Variants in PTPRG observed in about 807,000 individuals in gnomAD.
The protein encoded by PTPRG is protein tyrosine phosphatase receptor type G, also known as receptor-type tyrosine-protein phosphatase gamma.
Under a neutral mutation model 165.3 loss-of-function variants are expected in PTPRG, and 102 were observed. The observed-to-expected ratio is 0.62, with a 90% confidence interval of 0.53 to 0.73. The LOEUF (loss-of-function observed/expected upper bound fraction) is 0.73. PTPRG is among the 30% of genes least tolerant of loss of function. The pLI is 0.00. For synonymous variants in PTPRG, 675 were observed against 669.5 expected (o/e 1.01, Z -0.13); for missense variants, 1,866 against 1,861.4 (o/e 1.00, Z -0.05).
At chr3:61,562,452 C>G (rs1211787628) in intron 1 of PTPRG, 80 bp downstream of exon 1, 11 of 1,398,096 alleles carry the variant, frequency 7.9e-6, no homozygotes, top group South Asian at 1.2e-5. Context: ...GCGCGGAGCT[C>G]CGGCGCCCGT....
At chr3:62,276,631 T>G in intron 24 of PTPRG, 1 of 242,452 alleles carries the variant, frequency 4.1e-6, no homozygotes. Flanking sequence ...GGACAAAGTA[T>G]ATGTTGGTAT....
intron 1 of PTPRG, among the ~76,000 whole-genome samples, chr3:61,677,120 C>T (rs1703260255): frequency 6.6e-6 from 1 of 152,012 alleles, no homozygotes; most frequent in African/African-American, 2.4e-5. Context: ...TGGCGGGCGC[C>T]TGTAGTCCCA....
At chr3:62,048,184 T>TA (rs1399910364) in intron 4 of PTPRG, among the ~76,000 whole-genome samples, 246 of 151,736 alleles carry the variant, frequency 1.6e-3, no homozygotes, top group Admixed American at 2.8e-3. Context: ...AAAGCCCACT[T>TA]AAAAAAAGAA....
chr3:61,941,645 C>T (rs964860967), intron 2 of PTPRG, among the ~76,000 whole-genome samples: 2 of 151,904 alleles, frequency 1.3e-5, no homozygotes, highest in Non-Finnish European at 2.9e-5. Flanking sequence ...AAAAACAGGT[C>T]GTGATTTATA....
At chr3:61,942,411 A>G (rs1271131608) in intron 2 of PTPRG, among the ~76,000 whole-genome samples, 1 of 152,248 alleles carries the variant, frequency 6.6e-6, no homozygotes, top group African/African-American at 2.4e-5. Context: ...AACAAAAATT[A>G]GACCAAGCCC....
At chr3:62,257,478 G>T (rs1460149372) in intron 16 of PTPRG, among the ~76,000 whole-genome samples, 1 of 152,140 alleles carries the variant, frequency 6.6e-6, no homozygotes, top group Non-Finnish European at 1.5e-5. Flanking sequence ...ACTGTGCATG[G>T]ATCATTCTAT....
chr3:62,050,252 A>G (rs1700429162), intron 4 of PTPRG, among the ~76,000 whole-genome samples: 1 of 152,212 alleles, frequency 6.6e-6, no homozygotes, highest in Non-Finnish European at 1.5e-5. Flanking sequence ...AGAAGATTAT[A>G]TTACTGTATT....
chr3:62,143,199 A>G (rs945949301), intron 6 of PTPRG, among the ~76,000 whole-genome samples: 8 of 152,266 alleles, frequency 5.3e-5, no homozygotes, highest in Admixed American at 1.3e-4. Context: ...TCACCCTGAC[A>G]CCATTGTGAC....
At chr3:61,680,073 C>G (rs1442417563) in intron 1 of PTPRG, among the ~76,000 whole-genome samples, 1 of 152,146 alleles carries the variant, frequency 6.6e-6, no homozygotes, top group Non-Finnish European at 1.5e-5. Context: ...ATGAGCAGAG[C>G]AAACCAGAGC....
chr3:62,217,401 C>G lies in PTPRG; in HGVS notation c.2156-1450C>G, dbSNP rs996258031. Among the ~76,000 whole-genome samples, 1 of 152,158 alleles carries G rather than the reference C, an allele frequency of 6.6e-6. No homozygotes were observed. The highest frequency in any genetic ancestry group is 6.5e-5 in the Admixed American group (1 of 15,272). On this transcript the variant is annotated intron_variant, in intron 12 of 29. Transcript: ENST00000474889. This position sits in a 1 kb window ranked among gnomAD's most constrained non-coding sequence, Gnocchi z 4.3. ...TTAGAGGAAATCCAGTGAAACGCATCGTAACACACTTCTTCCTGACTCGGG... is the reference window on the plus strand; with the variant it reads ...TTAGAGGAAATCCAGTGAAACGCATGGTAACACACTTCTTCCTGACTCGGG...
intron 16 of PTPRG, among the ~76,000 whole-genome samples, chr3:62,258,027 A>G (rs1433043901): frequency 1.3e-5 from 2 of 152,122 alleles, no homozygotes; most frequent in Non-Finnish European, 2.9e-5. Flanking sequence ...AGGAGAAATA[A>G]GGAAGCTTGC....
At chr3:61,979,861 A>T (rs2040598268) in intron 2 of PTPRG, among the ~76,000 whole-genome samples, 1 of 152,082 alleles carries the variant, frequency 6.6e-6, no homozygotes, top group African/African-American at 2.4e-5. Context: ...AGTGTTTCCT[A>T]GTCCCACATC....
chr3:62,281,450 C>T, intron 26 of PTPRG, 113 bp from the exon 27 acceptor site: 1 of 885,870 alleles, frequency 1.1e-6, no homozygotes, highest in Non-Finnish European at 1.7e-6. Context: ...CTTATGAATT[C>T]AGTTTAAACG....
chr3:61,735,758 A>G (rs1005437615), intron 1 of PTPRG, among the ~76,000 whole-genome samples: 1 of 152,206 alleles, frequency 6.6e-6, no homozygotes, highest in Non-Finnish European at 1.5e-5. Flanking sequence ...AGTCTTTCTC[A>G]TTGTGCAGAG....
chr3:61,709,818 T>A (rs1414248623), intron 1 of PTPRG, among the ~76,000 whole-genome samples: 1 of 152,138 alleles, frequency 6.6e-6, no homozygotes, highest in African/African-American at 2.4e-5. Flanking sequence ...CAAATTTCAC[T>A]GTGCAAGAGA....
At chr3:61,613,037 G>A (rs1351870824) in intron 1 of PTPRG, among the ~76,000 whole-genome samples, 2 of 152,118 alleles carry the variant, frequency 1.3e-5, no homozygotes, top group Non-Finnish European at 2.9e-5. Context: ...CACCAATAGC[G>A]CAGCAGAGTG....
chr3:61,781,678 T>TTGAAA (rs2034548047), intron 2 of PTPRG, among the ~76,000 whole-genome samples: 1 of 152,170 alleles, frequency 6.6e-6, no homozygotes, highest in Non-Finnish European at 1.5e-5. Flanking sequence ...GACAGTTGAT[T>TTGAAA]TTTCAATTGA....
intron 1 of PTPRG, among the ~76,000 whole-genome samples, chr3:61,581,612 T>C (rs375159185): frequency 7.8e-5 from 1 of 12,888 alleles, no homozygotes; most frequent in African/African-American, 2.8e-3. Context: ...TTTTTTTCTT[T>C]TTTTTTTTTT....
chr3:61,694,862 C>G (rs1161998499), intron 1 of PTPRG, among the ~76,000 whole-genome samples: 2 of 151,846 alleles, frequency 1.3e-5, no homozygotes, highest in African/African-American at 2.4e-5. Context: ...CATTCTCATT[C>G]TCTCTCTCTC....
Sources: gnomAD v4.1 joint callset for allele counts (sites outside exome capture counted in the v4.1 genomes callset) on GRCh38, gnomAD v4.1.1 for gene constraint, Gnocchi (gnomAD v3.1) non-coding constraint, MANE v1.5 for transcripts, NCBI Gene and HGNC (gene_info 2026-07-23, HGNC 2026-07-21) for gene names.